The following CYTH1 variants were observed in gnomAD, a reference collection of about 807,000 sequenced individuals.
CYTH1 encodes cytohesin-1.
A neutral mutation model predicts 61.8 loss-of-function variants in CYTH1; 18 were observed. The observed-to-expected ratio is 0.29, with a 90% CI of 0.20 to 0.43. The LOEUF (loss-of-function observed/expected upper bound fraction) is 0.43. CYTH1 is among the 20% of genes least tolerant of loss of function. CYTH1 has a pLI of 1.00. For missense variants in CYTH1, 336 were observed against 510.5 expected, an observed-to-expected ratio of 0.66 and a Z score of 3.29; for synonymous variants, 174 against 184.3, an observed-to-expected ratio of 0.94 and a Z score of 0.45.
Position 78,675,631 on chromosome 17 carries a change from T to TAA in CYTH1, c.*458_*459dup, listed in dbSNP as rs59964250. The TAA allele has an allele frequency of 1.4e-4, 37 of 257,432 alleles. No homozygotes were observed. Among genetic ancestry groups the TAA allele is most frequent in the Middle Eastern group, 1.1e-3 (1 of 918 alleles). The allele number at this position is 257,432 out of a possible 1,614,324, so 15.9% of individuals were successfully genotyped here. A position where few individuals can be genotyped will look rare whatever the true frequency, so the allele number is the denominator to read the frequency against. On this transcript the variant is annotated 3_prime_UTR_variant, in exon 14 of 14. Transcript: ENST00000446868. ...ACCTGAACAGCCCTACGTTCTCTCT[T>TAA]AAAAAAAAAAAAATAGATCTTTATA...
intron 1 of CYTH1, 89 bp downstream of exon 1, chr17:78,782,113 C>T: frequency 8.7e-7 from 1 of 1,146,688 alleles, no homozygotes; most frequent in African/African-American, 1.6e-5. Flanking sequence ...CCGGGAAACG[C>T]CAGCCGCCGC....
At chr17:78,777,844 A>G (rs75472203) in intron 1 of CYTH1, among the ~76,000 whole-genome samples, 1 of 151,860 alleles carries the variant, frequency 6.6e-6, no homozygotes, top group Non-Finnish European at 1.5e-5. Context: ...AAAAAAAAAA[A>G]AGAAAGAATT....
chr17:78,764,432 GTTA>G (rs1270117966), intron 1 of CYTH1, among the ~76,000 whole-genome samples: 7 of 151,810 alleles, frequency 4.6e-5, no homozygotes, highest in African/African-American at 1.5e-4. Context: ...GAGTGCTAGG[GTTA>G]CAGATGTGAG....
chr17:78,752,614 G>T (rs1241120494), intron 1 of CYTH1, among the ~76,000 whole-genome samples: 1 of 152,084 alleles, frequency 6.6e-6, no homozygotes, highest in Non-Finnish European at 1.5e-5. Context: ...TGTATTTTTA[G>T]TAGAGACAGG....
intron 1 of CYTH1, among the ~76,000 whole-genome samples, chr17:78,725,300 C>G (rs149474886): frequency 6.6e-6 from 1 of 152,316 alleles, no homozygotes; most frequent in Non-Finnish European, 1.5e-5. Flanking sequence ...TTCTTTATCA[C>G]TTGGTAAATA....
chr17:78,753,920 T>C (rs1310526794), intron 1 of CYTH1, among the ~76,000 whole-genome samples: 2 of 152,146 alleles, frequency 1.3e-5, no homozygotes, highest in African/African-American at 4.8e-5. Context: ...TTAAAAAATA[T>C]AAGAAGTCCC....
intron 1 of CYTH1, among the ~76,000 whole-genome samples, chr17:78,721,638 T>C (rs1297888074): frequency 6.6e-6 from 1 of 152,242 alleles, no homozygotes; most frequent in Non-Finnish European, 1.5e-5. Flanking sequence ...CGATGCTGCC[T>C]GGGCTTTCAC....
intron 1 of CYTH1, among the ~76,000 whole-genome samples, chr17:78,746,577 C>G (rs1267713065): frequency 2.6e-5 from 4 of 152,160 alleles, no homozygotes; most frequent in East Asian, 3.8e-4. Flanking sequence ...TCTGAAAGAG[C>G]CTAACACTTT....
chr17:78,772,893 G>T (rs563947870), intron 1 of CYTH1, among the ~76,000 whole-genome samples: 29 of 151,600 alleles, frequency 1.9e-4, no homozygotes, highest in African/African-American at 6.6e-4. Context: ...ACAGTGGCAC[G>T]ATCTCAGCTC....
chr17:78,695,467 T>C (rs571016941), intron 10 of CYTH1, among the ~76,000 whole-genome samples: 6 of 152,302 alleles, frequency 3.9e-5, no homozygotes, highest in South Asian at 4.1e-4. Context: ...TTAAGTATCA[T>C]CTAATTTAGT....
chr17:78,685,162 C>G (rs1489456376), intron 11 of CYTH1, among the ~76,000 whole-genome samples: 2 of 147,478 alleles, frequency 1.4e-5, no homozygotes, highest in African/African-American at 5.1e-5. Flanking sequence ...CAAGATCGTG[C>G]CACTGGACTC....
intron 1 of CYTH1, among the ~76,000 whole-genome samples, chr17:78,770,668 C>T (rs1208948464): frequency 1.3e-5 from 2 of 152,092 alleles, no homozygotes; most frequent in East Asian, 1.9e-4. Flanking sequence ...CCGCCTGCCT[C>T]GGCCTGGGAT....
chr17:78,758,530 C>A, intron 1 of CYTH1, among the ~76,000 whole-genome samples: 1 of 152,120 alleles, frequency 6.6e-6, no homozygotes, highest in African/African-American at 2.4e-5. Context: ...CATGGAGAAA[C>A]CCCGTCTCTA....
chr17:78,772,758 G>C (rs8070575), intron 1 of CYTH1, among the ~76,000 whole-genome samples: 1 of 151,766 alleles, frequency 6.6e-6, no homozygotes, highest in East Asian at 1.9e-4. Context: ...GGATGGTCTC[G>C]ATCTCTTGAC....
At chr17:78,745,265 C>T (rs1220119595) in intron 1 of CYTH1, among the ~76,000 whole-genome samples, 1 of 152,098 alleles carries the variant, frequency 6.6e-6, no homozygotes, top group Non-Finnish European at 1.5e-5. Flanking sequence ...CCCACCATCG[C>T]CAACCTCACC....
chr17:78,716,256 T>C (rs1251982986), intron 1 of CYTH1, among the ~76,000 whole-genome samples: 1 of 152,130 alleles, frequency 6.6e-6, no homozygotes, highest in Admixed American at 6.5e-5. Context: ...AGTGGCTGCT[T>C]TGGGGAGTGG....
At chr17:78,765,093 C>T (rs1439835686) in intron 1 of CYTH1, among the ~76,000 whole-genome samples, 1 of 152,080 alleles carries the variant, frequency 6.6e-6, no homozygotes, top group Non-Finnish European at 1.5e-5. Context: ...GAGAAAGGCC[C>T]GAGCTGGGGA....
At chr17:78,755,491 TA>T (rs3073742) in intron 1 of CYTH1, among the ~76,000 whole-genome samples, 9 of 129,840 alleles carry the variant, frequency 6.9e-5, no homozygotes, top group Non-Finnish European at 1.1e-4. Flanking sequence ...TGGGTTTATT[TA>T]AAAAAAAAAA....
At chr17:78,695,210 A>C (rs2144215347) in intron 10 of CYTH1, among the ~76,000 whole-genome samples, 1 of 152,348 alleles carries the variant, frequency 6.6e-6, no homozygotes, top group South Asian at 2.1e-4. Context: ...AATGGAGAGG[A>C]GACACCAAAA....
Sources: allele counts gnomAD v4.1 joint callset (sites outside exome capture counted in the v4.1 genomes callset), GRCh38; gene constraint gnomAD v4.1.1; transcripts MANE v1.5; gene names NCBI Gene and HGNC (gene_info 2026-07-23, HGNC 2026-07-21).